The following PRMT8 variants were observed in gnomAD, a reference collection of about 807,000 sequenced individuals.
PRMT8 encodes protein arginine methyltransferase 8, also known as protein arginine N-methyltransferase 8.
Under a neutral mutation model 47.1 loss-of-function variants are expected in PRMT8, and 7 were observed. That is an observed-to-expected ratio of 0.15 (90% confidence interval 0.08 to 0.28). The LOEUF is 0.28. Ranked by LOEUF, PRMT8 falls within the 10% of genes least tolerant of loss-of-function variation. The probability of loss-of-function intolerance (pLI) is 1.00; values close to 1 mark genes in which losing one functional copy is unlikely to be tolerated. For missense variants in PRMT8, 237 were observed against 505.4 expected, an observed-to-expected ratio of 0.47 and a Z score of 5.09; for synonymous variants, 188 against 186.5, an observed-to-expected ratio of 1.01 and a Z score of -0.07.
intron 1 of PRMT8, among the ~76,000 whole-genome samples, chr12:3,462,251 T>C (rs1272720501): frequency 6.6e-6 from 1 of 152,058 alleles, no homozygotes; most frequent in Admixed American, 6.5e-5. Flanking sequence ...TGAATGTTCA[T>C]TGCAGCGCTA....
chr12:3,386,969 A>G (rs1864146587), intron 1 of PRMT8, among the ~76,000 whole-genome samples: 1 of 152,088 alleles, frequency 6.6e-6, no homozygotes, highest in Non-Finnish European at 1.5e-5. Flanking sequence ...TGGCCTCCCA[A>G]AGTGCTGGGA....
chr12:3,414,177 A>C (rs1172545585), intron 1 of PRMT8, among the ~76,000 whole-genome samples: 1 of 152,238 alleles, frequency 6.6e-6, no homozygotes, highest in Admixed American at 6.5e-5. Flanking sequence ...GATGACTGCC[A>C]GGTAATAGTA....
At chr12:3,511,245 C>A (rs946528968) in intron 1 of PRMT8, among the ~76,000 whole-genome samples, 1 of 152,128 alleles carries the variant, frequency 6.6e-6, no homozygotes, top group Non-Finnish European at 1.5e-5. Flanking sequence ...ACATGGCTGC[C>A]CCTTCCAGAC....
intron 2 of PRMT8, among the ~76,000 whole-genome samples, chr12:3,541,352 G>A (rs1273098604): frequency 6.6e-6 from 1 of 152,164 alleles, no homozygotes; most frequent in Admixed American, 6.5e-5. Flanking sequence ...TGTTGACTAT[G>A]GAACAGAACA....
chr12:3,531,216 A>C (rs1432448127), intron 1 of PRMT8, among the ~76,000 whole-genome samples: 1 of 152,208 alleles, frequency 6.6e-6, no homozygotes, highest in African/African-American at 2.4e-5. Flanking sequence ...ACATCTGCCC[A>C]TAAAAGAGAG....
intron 6 of PRMT8, among the ~76,000 whole-genome samples, chr12:3,571,655 A>T (rs189643242): frequency 6.6e-6 from 1 of 152,164 alleles, no homozygotes; most frequent in African/African-American, 2.4e-5. Flanking sequence ...GCACCATGTT[A>T]TCTTGTGCTT....
intron 6 of PRMT8, among the ~76,000 whole-genome samples, chr12:3,574,629 C>T (rs1043842886): frequency 1.3e-5 from 2 of 152,250 alleles, no homozygotes; most frequent in African/African-American, 4.8e-5. Flanking sequence ...ATGCACTTTA[C>T]GTATAATCAC....
At chr12:3,412,512 ACT>A (rs1365512614) in intron 1 of PRMT8, among the ~76,000 whole-genome samples, 1 of 152,136 alleles carries the variant, frequency 6.6e-6, no homozygotes, top group Non-Finnish European at 1.5e-5. Context: ...ACACTTTTTG[ACT>A]CTTTTGTAAT....
chr12:3,474,170 T>C (rs959059176), intron 1 of PRMT8, among the ~76,000 whole-genome samples: 2 of 152,120 alleles, frequency 1.3e-5, no homozygotes, highest in Non-Finnish European at 2.9e-5. Context: ...CACTCCTTAG[T>C]GGGGCATCCA....
At chr12:3,556,140 G>A (rs937418882) in intron 4 of PRMT8, among the ~76,000 whole-genome samples, 4 of 152,118 alleles carry the variant, frequency 2.6e-5, no homozygotes, top group Admixed American at 6.5e-5. Context: ...AGGTAGGTGC[G>A]CTGAGTCAGA....
chr12:3,569,593 C>A lies in PRMT8; in HGVS notation c.712+29C>A. The stretch of plus-strand genomic sequence containing the variant: ...AGTCCCCTCTTGCTTCTCCGGTGGA[C>A]TTCCACTGCACAATTGGGGTGGGAG... On this transcript the variant is annotated intron_variant, in intron 6 of 9. Transcript: ENST00000382622. The surrounding 1 kb of genome is among the most constrained non-coding windows in gnomAD (Gnocchi z 8.2). 3 of 1,586,718 alleles carry A rather than the reference C, an allele frequency of 1.9e-6. No individual in the cohort carries two copies. The highest frequency in any genetic ancestry group is 1.7e-6 in the Non-Finnish European group (2 of 1,155,092).
At chr12:3,531,272 G>A (rs759604939) in intron 1 of PRMT8, among the ~76,000 whole-genome samples, 4 of 152,212 alleles carry the variant, frequency 2.6e-5, no homozygotes, top group Non-Finnish European at 5.9e-5. Context: ...AGTCAAAGGA[G>A]GGGAGGAGGC....
intron 1 of PRMT8, among the ~76,000 whole-genome samples, chr12:3,414,655 C>T (rs2067998658): frequency 6.6e-6 from 1 of 152,020 alleles, no homozygotes; most frequent in African/African-American, 2.4e-5. Flanking sequence ...TCAGGTCACA[C>T]AAATAGATTG....
In PRMT8 at chr12:3,491,337, G is replaced by T; in HGVS notation, c.-289G>T. ...CGGAGGCTTCGGGGCTGCTTCCCTC[G>T]AGCTTAGCCCGCAGCGCGGGTGGAG... On this transcript the variant is annotated 5_prime_UTR_variant, in exon 1 of 10. Coordinates refer to ENST00000382622, the MANE Select transcript of PRMT8 (RefSeq NM_019854.5). The T allele has an allele frequency of 9.0e-7, 1 of 1,106,916 alleles. No homozygotes were observed. The highest frequency in any genetic ancestry group is 1.6e-5 in the African/African-American group (1 of 61,002). 68.6% of individuals were successfully genotyped at this position (1,106,916 alleles called of 1,614,324 possible). A position where few individuals can be genotyped will look rare whatever the true frequency, so the allele number is the denominator to read the frequency against.
At chr12:3,477,179 C>A (rs1016416647) in intron 1 of PRMT8, among the ~76,000 whole-genome samples, 1 of 152,210 alleles carries the variant, frequency 6.6e-6, no homozygotes, top group Non-Finnish European at 1.5e-5. Context: ...TTTTAGAAAC[C>A]TGTTTCCTGG....
intron 1 of PRMT8, among the ~76,000 whole-genome samples, chr12:3,438,063 A>G (rs1280070680): frequency 6.6e-6 from 1 of 152,192 alleles, no homozygotes; most frequent in Non-Finnish European, 1.5e-5. Flanking sequence ...CGATTCCTGC[A>G]GAAAAAGGCA....
chr12:3,407,257 G>A (rs911654161), intron 1 of PRMT8, among the ~76,000 whole-genome samples: 8 of 152,122 alleles, frequency 5.3e-5, no homozygotes, highest in Admixed American at 4.6e-4. Flanking sequence ...CCCACAACAC[G>A]TGGGGATTAT....
In PRMT8 at chr12:3,494,752, C is replaced by T. The variant is rs749160364; in HGVS notation, c.75+3052C>T. ...CAAAGCGAAGTACCCAGCTAGGGTA[C>T]GAGAGCATCAACATCACGTGCTTGC... On this transcript the variant is annotated intron_variant, in intron 1 of 9. Transcript: ENST00000382622. Among the ~76,000 whole-genome samples, 7 of 152,178 alleles carry T rather than the reference C, an allele frequency of 4.6e-5. 1 individual carries two copies. In the South Asian group the frequency reaches 8.3e-4, roughly 18 times the overall value.
intron 1 of PRMT8, among the ~76,000 whole-genome samples, chr12:3,509,147 C>A (rs1264766683): frequency 6.6e-6 from 1 of 152,140 alleles, no homozygotes; most frequent in African/African-American, 2.4e-5. Flanking sequence ...CTTCCTTAAA[C>A]CCCATCAGTG....
Sources: allele counts gnomAD v4.1 joint callset (sites outside exome capture counted in the v4.1 genomes callset), GRCh38; gene constraint gnomAD v4.1.1; non-coding constraint Gnocchi (gnomAD v3.1); transcripts MANE v1.5; gene names NCBI Gene and HGNC (gene_info 2026-07-23, HGNC 2026-07-21).